The following PKIA variants were observed in gnomAD, a reference collection of about 807,000 sequenced individuals.
PKIA encodes the protein PKI-alpha.
In PKIA, 4 loss-of-function variants were observed where a neutral mutation model predicts 7.6. That is an observed-to-expected ratio of 0.52 (90% confidence interval 0.26 to 1.20). The LOEUF is 1.20. PKIA is among the 50% of genes most tolerant of loss of function. The pLI, the probability that PKIA is intolerant of heterozygous loss-of-function variation, is 0.13. For missense variants in PKIA, 73 were observed against 86.2 expected, an observed-to-expected ratio of 0.85 and a Z score of 0.61; for synonymous variants, 21 against 30.7, an observed-to-expected ratio of 0.68 and a Z score of 1.04.
At chr8:78,589,562 G>A (rs1220056151) in intron 2 of PKIA, among the ~76,000 whole-genome samples, 5 of 152,104 alleles carry the variant, frequency 3.3e-5, no homozygotes, top group Non-Finnish European at 7.4e-5. Flanking sequence ...TGGGGAAGAA[G>A]GCTGACATTT....
chr8:78,575,711 AC>A (rs1807658941), intron 2 of PKIA, among the ~76,000 whole-genome samples: 1 of 152,136 alleles, frequency 6.6e-6, no homozygotes, highest in African/African-American at 2.4e-5. Context: ...TTTCAAAGTT[AC>A]GCAAGTCAAC....
intron 2 of PKIA, among the ~76,000 whole-genome samples, chr8:78,585,425 A>C (rs1005097988): frequency 6.6e-5 from 10 of 152,166 alleles, no homozygotes; most frequent in African/African-American, 2.2e-4. Flanking sequence ...TAACAGTGTC[A>C]GAGAAGAAGA....
intron 1 of PKIA, among the ~76,000 whole-genome samples, chr8:78,540,460 C>G (rs1806654718): frequency 6.6e-6 from 1 of 152,048 alleles, no homozygotes; most frequent in East Asian, 1.9e-4. Context: ...CAGGGCCAAA[C>G]AAATTGGGGC....
At chr8:78,552,066 G>A (rs1806997510) in intron 1 of PKIA, among the ~76,000 whole-genome samples, 1 of 151,790 alleles carries the variant, frequency 6.6e-6, no homozygotes, top group African/African-American at 2.4e-5. Context: ...CTGAATTGAA[G>A]GGAGATGTCT....
intron 2 of PKIA, among the ~76,000 whole-genome samples, chr8:78,586,819 A>T (rs1158463532): frequency 6.6e-6 from 1 of 152,222 alleles, no homozygotes; most frequent in Non-Finnish European, 1.5e-5. Flanking sequence ...ATCACCTATT[A>T]GTTTCATGAC....
chr8:78,546,466 T>G (rs1028456136), intron 1 of PKIA, among the ~76,000 whole-genome samples: 1 of 152,202 alleles, frequency 6.6e-6, no homozygotes, highest in Non-Finnish European at 1.5e-5. Flanking sequence ...AATAGCCACA[T>G]ATCCAAAGTA....
At chr8:78,576,522 G>A (rs1386612670) in intron 2 of PKIA, among the ~76,000 whole-genome samples, 2 of 151,778 alleles carry the variant, frequency 1.3e-5, no homozygotes, top group East Asian at 3.9e-4. Flanking sequence ...TAATGGGAAT[G>A]CTCTCAGTGC....
chr8:78,591,398 G>T (rs985528380), intron 2 of PKIA: 3 of 152,496 alleles, frequency 2.0e-5, no homozygotes, highest in Non-Finnish European at 2.9e-5. Flanking sequence ...ATTTTAAAAA[G>T]AAGGCACAAA....
At chr8:78,541,335 A>G (rs2118413624) in intron 1 of PKIA, among the ~76,000 whole-genome samples, 1 of 152,238 alleles carries the variant, frequency 6.6e-6, no homozygotes. Context: ...GCTCTTAATC[A>G]TGAAGCTAAA....
At chr8:78,599,379 A>G (rs1224791333) in intron 3 of PKIA, among the ~76,000 whole-genome samples, 1 of 152,090 alleles carries the variant, frequency 6.6e-6, no homozygotes, top group African/African-American at 2.4e-5. Context: ...ACTCTTAATT[A>G]TTCAATATGT....
At chr8:78,591,459 T>C (rs1325902600) in intron 2 of PKIA, among the ~76,000 whole-genome samples, 1 of 152,186 alleles carries the variant, frequency 6.6e-6, no homozygotes, top group Admixed American at 6.5e-5. Flanking sequence ...ATCCATTATA[T>C]AAAGAATTTG....
At chr8:78,592,829 T>A (rs1013916240) in intron 2 of PKIA, among the ~76,000 whole-genome samples, 2 of 152,282 alleles carry the variant, frequency 1.3e-5, no homozygotes, top group African/African-American at 4.8e-5. Flanking sequence ...TTCAAATCTT[T>A]TAAAAACTAT....
At chr8:78,589,237 GTA>G (rs1808034786) in intron 2 of PKIA, among the ~76,000 whole-genome samples, 1 of 152,030 alleles carries the variant, frequency 6.6e-6, no homozygotes, top group African/African-American at 2.4e-5. Context: ...GCTATGGAGA[GTA>G]AGAAAGCAAG....
At chr8:78,558,956 C>G (rs1807217315) in intron 1 of PKIA, among the ~76,000 whole-genome samples, 1 of 152,210 alleles carries the variant, frequency 6.6e-6, no homozygotes, top group African/African-American at 2.4e-5. Flanking sequence ...GAGCCTTGCT[C>G]TGTTGCCCAG....
intron 1 of PKIA, among the ~76,000 whole-genome samples, chr8:78,529,035 A>C (rs1356029670): frequency 1.3e-5 from 2 of 152,138 alleles, no homozygotes; most frequent in Non-Finnish European, 2.9e-5. Flanking sequence ...TCTGGTTTCT[A>C]GTAATTGGTG....
At chr8:78,583,042 G>T (rs1807855241) in intron 2 of PKIA, among the ~76,000 whole-genome samples, 1 of 152,126 alleles carries the variant, frequency 6.6e-6, no homozygotes, top group Non-Finnish European at 1.5e-5. Flanking sequence ...CAAAGCTGTT[G>T]TCTACTGGCC....
chr8:78,522,709 G>A (rs912624655), intron 1 of PKIA, among the ~76,000 whole-genome samples: 6 of 151,816 alleles, frequency 4.0e-5, no homozygotes, highest in South Asian at 2.1e-4. Context: ...GTTAAGTCTT[G>A]TAATAACAAT....
At chr8:78,538,707 G>T (rs1806597898) in intron 1 of PKIA, among the ~76,000 whole-genome samples, 3 of 152,002 alleles carry the variant, frequency 2.0e-5, no homozygotes, top group African/African-American at 7.2e-5. Context: ...AATTAGTTTA[G>T]AAATTATTCC....
At chr8:78,569,651 T>A (rs891304114) in intron 1 of PKIA, among the ~76,000 whole-genome samples, 1 of 151,932 alleles carries the variant, frequency 6.6e-6, no homozygotes, top group Admixed American at 6.6e-5. Flanking sequence ...TGAAAAAAAA[T>A]TATAGTCAGC....
Sources: gnomAD v4.1 joint callset for allele counts (sites outside exome capture counted in the v4.1 genomes callset) on GRCh38, gnomAD v4.1.1 for gene constraint, MANE v1.5 for transcripts, NCBI Gene and HGNC (gene_info 2026-07-23, HGNC 2026-07-21) for gene names.